The following POMGNT1 variants were observed in gnomAD, a reference collection of about 807,000 sequenced individuals.
The protein encoded by POMGNT1 is protein O-linked mannose N-acetylglucosaminyltransferase 1 (beta 1,2-).
POMGNT1 carries 67 observed loss-of-function variants against 95.6 expected under a neutral mutation model. The ratio of observed to expected loss-of-function variants is 0.70; its 90% CI spans 0.58 to 0.86. POMGNT1 has a LOEUF of 0.86. POMGNT1 is among the 40% of genes least tolerant of loss of function. The pLI, the probability that POMGNT1 is intolerant of heterozygous loss-of-function variation, is 0.00. For synonymous variants in POMGNT1, 298 were observed against 317.9 expected, an observed-to-expected ratio of 0.94 and a Z score of 0.66; for missense variants, 719 against 855.2, an observed-to-expected ratio of 0.84 and a Z score of 1.99.
At chr1:46,197,315 T>C (rs1035909535) in intron 2 of POMGNT1, 21 of 1,488,738 alleles carry the variant, frequency 1.4e-5, no homozygotes, top group Non-Finnish European at 1.7e-5. Flanking sequence ...TACCCAGTGC[T>C]CCTGTATTCT....
At position 46,194,370 on chromosome 1, in the gene POMGNT1, C is replaced by T; in HGVS notation, c.783G>A (p.Leu261=). The T allele has an allele frequency of 1.2e-6, 2 of 1,614,224 alleles. No homozygotes were observed. Among genetic ancestry groups the T allele is most frequent in the Non-Finnish European group, 1.7e-6 (2 of 1,180,026 alleles). Residue 261 remains leucine (L), a synonymous_variant, in exon 9 of 22, where the codon CTG becomes CTA. Transcript: ENST00000371984. ...EAECHWADTE[L]NRRRRRFCSK... Reference sequence around the variant, plus strand: ...TGCAGAAGCGCCGGCGGCGACGGTTCAGCTCTGTGTCTGCCCAGTGGCACT... The same window carrying T: ...TGCAGAAGCGCCGGCGGCGACGGTTTAGCTCTGTGTCTGCCCAGTGGCACT...
chr1:46,199,715 A>C (rs1348351129), upstream of POMGNT1, among the ~76,000 whole-genome samples: 1 of 152,126 alleles, frequency 6.6e-6, no homozygotes, highest in African/African-American at 2.4e-5. Flanking sequence ...GACCAGTTAG[A>C]TTTTTTTGAG....
rs762531635 is a variant in POMGNT1, at chr1:46,193,544, AC to A, written c.1026+19del. 25 of 1,613,806 alleles carry A rather than the reference AC, an allele frequency of 1.5e-5. No homozygotes were observed. Among genetic ancestry groups the A allele is most frequent in the Non-Finnish European group, 1.9e-5 (23 of 1,179,928 alleles). ...CTCCATGTTGTACTCCACCCGAGGC[AC>A]CCCCCAAGTCCTGCTCACCTCATAG... On this transcript the variant is annotated intron_variant, in intron 11 of 21. Coordinates refer to ENST00000371984, the MANE Select transcript of POMGNT1 (RefSeq NM_017739.4).
Position 46,189,062 on chromosome 1 carries a change from A to G in POMGNT1, c.*208T>C. On this transcript the variant is annotated 3_prime_UTR_variant, in exon 22 of 22. Coordinates refer to ENST00000371984, the MANE Select transcript of POMGNT1 (RefSeq NM_017739.4). Reference sequence around the variant, plus strand: ...CCAGGTACTCTCCTGCCCTTCTCCAACAAGGAAGTAAATAAATAGACTTTT... The same window carrying G: ...CCAGGTACTCTCCTGCCCTTCTCCAGCAAGGAAGTAAATAAATAGACTTTT... 6 of 1,525,786 alleles carry G rather than the reference A, an allele frequency of 3.9e-6. No individual in the cohort carries two copies. Among genetic ancestry groups the G allele is most frequent in the Non-Finnish European group, 4.4e-6 (5 of 1,142,390 alleles). The allele number at this position is 1,525,786 out of a possible 1,614,324, so 94.5% of individuals were successfully genotyped here.
At position 46,189,194 on chromosome 1, in the gene POMGNT1, T is replaced by C; in HGVS notation, c.*76A>G. The stretch of plus-strand genomic sequence containing the variant: ...CCAGCCCCTACCAGCATCTACAAAA[T>C]CCTACAGGATGGAGGGAAGGGCTAG... On this transcript the variant is annotated 3_prime_UTR_variant, in exon 22 of 22. Transcript: ENST00000371984. The C allele has an allele frequency of 6.5e-7, 1 of 1,545,854 alleles. No homozygotes were observed. The highest frequency in any genetic ancestry group is 8.7e-7 in the Non-Finnish European group (1 of 1,151,896).
chr1:46,191,133 G>C (rs1176278859), intron 17 of POMGNT1: 2 of 354,834 alleles, frequency 5.6e-6, no homozygotes, highest in Non-Finnish European at 1.1e-5. Context: ...TGGGCAAAGG[G>C]ACGGGCTGGG....
In POMGNT1 at chr1:46,188,849, G is replaced by C. The variant is rs1274443629; in HGVS notation, c.*421C>G. On this transcript the variant is annotated 3_prime_UTR_variant, in exon 22 of 22. Transcript: ENST00000371984. ...GCCTGTCCATGGGTTGGGCACAGCAGTTTCCTGAGTAAGAGCCAGCCCCAC... is the reference window on the plus strand; with the variant it reads ...GCCTGTCCATGGGTTGGGCACAGCACTTTCCTGAGTAAGAGCCAGCCCCAC... 2 of 1,612,920 alleles carry C rather than the reference G, an allele frequency of 1.2e-6. No individual in the cohort carries two copies. Among genetic ancestry groups the C allele is most frequent in the Non-Finnish European group, 1.7e-6 (2 of 1,179,902 alleles).
rs758994261 is a variant in POMGNT1, at chr1:46,219,861, C to T, written c.-207G>A. On this transcript the variant is annotated 5_prime_UTR_variant, in exon 1 of 23. Transcript: ENST00000371992. ...TAGCCTGACAGGCGGGAGCCCAGGCCGCTCAAGGCGAGGCAGCTGGGACAG... is the reference window on the plus strand; with the variant it reads ...TAGCCTGACAGGCGGGAGCCCAGGCTGCTCAAGGCGAGGCAGCTGGGACAG... 26 of 1,613,758 alleles carry T rather than the reference C, an allele frequency of 1.6e-5. No individual in the cohort carries two copies. The highest frequency in any genetic ancestry group is 1.3e-4 in the South Asian group (12 of 91,050).
At chr1:46,203,652 G>A (rs759267293) in intron 1 of POMGNT1, 2 of 1,591,594 alleles carry the variant, frequency 1.3e-6, no homozygotes, top group Non-Finnish European at 1.7e-6. Context: ...GGGCCAAGGG[G>A]ACGAGTCCCT....
At chr1:46,197,894 T>C in intron 1 of POMGNT1, 23 bp from the exon 2 acceptor site, 7 of 1,603,484 alleles carry the variant, frequency 4.4e-6, no homozygotes, top group Non-Finnish European at 6.0e-6. Context: ...GAGGGCCACA[T>C]GGGGTAAGAT....
chr1:46,216,751 G>A (rs1659083994), intron 1 of POMGNT1, among the ~76,000 whole-genome samples: 1 of 152,118 alleles, frequency 6.6e-6, no homozygotes, highest in African/African-American at 2.4e-5. Context: ...CAGGAAGTGA[G>A]CATAGTACCC....
intron 13 of POMGNT1, 106 bp from the exon 14 acceptor site, chr1:46,193,064 A>T: frequency 1.2e-6 from 2 of 1,602,738 alleles, no homozygotes; most frequent in Non-Finnish European, 1.7e-6. Flanking sequence ...CATTTTCCAG[A>T]TGTGAAGGAT....
chr1:46,193,826 T>G, intron 10 of POMGNT1, 29 bp downstream of exon 10: 2 of 1,613,300 alleles, frequency 1.2e-6, no homozygotes, highest in Non-Finnish European at 1.7e-6. Flanking sequence ...TCCTGTTCAG[T>G]GCTGGGTATA....
rs772158768 is a variant in POMGNT1 at position 46,189,900 on chromosome 1, C to T, written c.1739G>A (p.Arg580Gln). The T allele has an allele frequency of 1.3e-5, 21 of 1,613,850 alleles. No homozygotes were observed. Among genetic ancestry groups the T allele is most frequent in the South Asian group, 2.2e-5 (2 of 91,000 alleles). Reference sequence around the variant, plus strand: ...GGTGAAGTCATCATCTTTCTCCATTCGAATAAAGGCCACGTAGGTGTGGCC... The same window carrying T: ...GGTGAAGTCATCATCTTTCTCCATTTGAATAAAGGCCACGTAGGTGTGGCC... ...TEGHTYVAFI[R>Q]MEKDDDFTTW... is the part of the protein sequence containing the mutation. The change falls in exon 20 of 22, where the codon CGA (arginine) becomes CAA (glutamine). Residue 580 changes from arginine to glutamine, a missense_variant. Coordinates refer to ENST00000371984, the MANE Select transcript of POMGNT1 (RefSeq NM_017739.4).
rs201446804 is a variant in POMGNT1 at position 46,192,931 on chromosome 1, C to A, written c.1180G>T (p.Glu394Ter). 6.2e-7 allele frequency: 1 copy of A among 1,614,186 alleles called. No individual in the cohort carries two copies. Among genetic ancestry groups the A allele is most frequent in the Non-Finnish European group, 8.5e-7 (1 of 1,180,020 alleles). ...AAATCCACAGCAATGTCCAGGTCCTCTTCCAGAACCACAGCAAACTTGGCC... is the reference window on the plus strand; with the variant it reads ...AAATCCACAGCAATGTCCAGGTCCTATTCCAGAACCACAGCAAACTTGGCC... ...PEAKFAVVLE[E>*]DLDIAVDFFS... Residue 394 changes from glutamate to a stop codon, truncating the protein, a stop_gained, in exon 14 of 22, where the codon GAG becomes TAG. Transcript: ENST00000371984. LOFTEE classifies it high-confidence loss of function.
rs751988577 is a variant in POMGNT1, at chr1:46,196,221, G to A, written c.355-144C>T. 68 of 1,502,928 alleles carry A rather than the reference G, an allele frequency of 4.5e-5. 1 individual carries two copies. In the South Asian group the frequency reaches 7.5e-4, roughly 17 times the overall value. The allele number at this position is 1,502,928 out of a possible 1,614,324, so 93.1% of individuals were successfully genotyped here. ...ACACAGTTCTTTTCCAACTCAGCTC[G>A]AAGGCCACCTCTTCCAGAAAGCCTC... On this transcript the variant is annotated intron_variant, in intron 4 of 21. Transcript: ENST00000371984. This position sits in a 1 kb window ranked among gnomAD's most constrained non-coding sequence, Gnocchi z 4.4.
upstream of POMGNT1, among the ~76,000 whole-genome samples, chr1:46,201,518 T>C (rs1050417432): frequency 4.6e-5 from 7 of 151,164 alleles, no homozygotes; most frequent in African/African-American, 1.7e-4. Context: ...ACCAACATGG[T>C]GAAACCCCCG....
In POMGNT1 at chr1:46,193,570, G is replaced by C. The variant is rs977175778; in HGVS notation, c.1020C>G (p.Tyr340Ter). The change falls in exon 11 of 22, where the codon TAC becomes TAG. Residue 340 changes from tyrosine to a stop codon, truncating the protein, a stop_gained. Coordinates refer to ENST00000371984, the MANE Select transcript of POMGNT1 (RefSeq NM_017739.4). LOFTEE classifies it high-confidence loss of function. Reference protein sequence around the residue: ...PQMITVFIDGYYEEPMDVVAL... With the variant: ...PQMITVFIDG ...CCCCCCAAGTCCTGCTCACCTCATA[G>C]TAGCCGTCAATGAAAACTGTTATCA... 1 of 1,614,038 alleles carries C rather than the reference G, an allele frequency of 6.2e-7. No individual in the cohort carries two copies. The highest frequency in any genetic ancestry group is 8.5e-7 in the Non-Finnish European group (1 of 1,180,010).
At chr1:46,193,082 A>T (rs1245359212) in intron 13 of POMGNT1, 92 bp downstream of exon 13, 1 of 1,604,576 alleles carries the variant, frequency 6.2e-7, no homozygotes, top group Non-Finnish European at 8.5e-7. Context: ...GATGAGGCCC[A>T]GTGAGGGGAA....
Sources: allele counts gnomAD v4.1 joint callset (sites outside exome capture counted in the v4.1 genomes callset), GRCh38; gene constraint gnomAD v4.1.1; non-coding constraint Gnocchi (gnomAD v3.1); transcripts MANE v1.5; gene names NCBI Gene and HGNC (gene_info 2026-07-23, HGNC 2026-07-21).